Variants in GRM1 observed in about 807,000 individuals in gnomAD.
GRM1 encodes the protein glutamate metabotropic receptor 1.
GRM1 carries 33 observed loss-of-function variants against 90.9 expected under a neutral mutation model. The observed-to-expected ratio is 0.36, with a 90% CI of 0.28 to 0.49. GRM1 has a LOEUF of 0.49. Ranked by LOEUF, GRM1 falls within the 20% of genes least tolerant of loss-of-function variation. GRM1 has a pLI of 0.99. For synonymous variants in GRM1, 700 were observed against 613.2 expected, an observed-to-expected ratio of 1.14 and a Z score of -2.09; for missense variants, 1,190 against 1,534.3, an observed-to-expected ratio of 0.78 and a Z score of 3.75.
chr6:146,272,000 A>G (rs1392965114), intron 2 of GRM1, among the ~76,000 whole-genome samples: 1 of 152,184 alleles, frequency 6.6e-6, no homozygotes. Context: ...GTTTTGTCCA[A>G]TAATCCTCCA....
At chr6:146,198,404 C>T (rs899144231) in intron 2 of GRM1, among the ~76,000 whole-genome samples, 2 of 152,040 alleles carry the variant, frequency 1.3e-5, no homozygotes, top group African/African-American at 4.8e-5. Context: ...GTCTCCCACT[C>T]CCAGGATAAA....
chr6:146,424,406 G>A (rs1334523930), intron 7 of GRM1, among the ~76,000 whole-genome samples: 2 of 152,208 alleles, frequency 1.3e-5, no homozygotes, highest in Non-Finnish European at 2.9e-5. Flanking sequence ...GCTGGACAGG[G>A]CTGGGACCCA....
At chr6:146,173,428 GAAAA>G (rs1262434839) in intron 2 of GRM1, among the ~76,000 whole-genome samples, 1 of 146,194 alleles carries the variant, frequency 6.8e-6, no homozygotes, top group African/African-American at 2.5e-5. Flanking sequence ...AAAAGAAAAA[GAAAA>G]AGAAAGAAAG....
intron 1 of GRM1, among the ~76,000 whole-genome samples, chr6:146,048,904 C>T (rs1292397620): frequency 6.6e-6 from 1 of 152,010 alleles, no homozygotes; most frequent in South Asian, 2.1e-4. Context: ...GATTTTTAGC[C>T]TCTAGAACTG....
intron 2 of GRM1, among the ~76,000 whole-genome samples, chr6:146,277,430 A>G (rs982600491): frequency 6.6e-6 from 1 of 152,180 alleles, no homozygotes; most frequent in Non-Finnish European, 1.5e-5. Flanking sequence ...TAACAGTATG[A>G]TCTATGGTGA....
chr6:146,331,819 G>A (rs760564895), intron 3 of GRM1, among the ~76,000 whole-genome samples: 4 of 152,216 alleles, frequency 2.6e-5, no homozygotes, highest in African/African-American at 7.2e-5. Context: ...CTTTGAGCTT[G>A]TGTTAAGTAG....
chr6:146,191,440 T>A (rs142325865), intron 2 of GRM1, among the ~76,000 whole-genome samples: 63 of 152,330 alleles, frequency 4.1e-4, no homozygotes, highest in African/African-American at 1.1e-3. Flanking sequence ...TTTAACCCTC[T>A]TACTGATTTG....
intron 1 of GRM1, among the ~76,000 whole-genome samples, chr6:146,042,502 G>C (rs9390372): frequency 0.4 from 60,444 of 151,854 alleles, 12,335 homozygotes; most frequent in Middle Eastern, 0.51. Context: ...CGACAAAGCT[G>C]TGGCAGGGCT....
intron 2 of GRM1, among the ~76,000 whole-genome samples, chr6:146,169,889 G>C (rs1405677369): frequency 6.6e-6 from 1 of 152,142 alleles, no homozygotes; most frequent in Non-Finnish European, 1.5e-5. Flanking sequence ...TACTAACCAA[G>C]GCTTGTTATC....
chr6:146,172,966 G>A (rs1351229821), intron 2 of GRM1, among the ~76,000 whole-genome samples: 1 of 152,164 alleles, frequency 6.6e-6, no homozygotes, highest in Non-Finnish European at 1.5e-5. Flanking sequence ...TTTGAAAAGA[G>A]AGGCGACATT....
At chr6:146,098,480 T>G (rs1712851793) in intron 1 of GRM1, among the ~76,000 whole-genome samples, 1 of 152,188 alleles carries the variant, frequency 6.6e-6, no homozygotes, top group Non-Finnish European at 1.5e-5. Flanking sequence ...TATGGTCTTT[T>G]AAAATAAATA....
At chr6:146,056,574 T>G (rs903194952) in intron 1 of GRM1, among the ~76,000 whole-genome samples, 30 of 152,202 alleles carry the variant, frequency 2.0e-4, no homozygotes, top group African/African-American at 6.7e-4. Flanking sequence ...AAGCAAGAAT[T>G]TAATGTCGAA....
At chr6:146,227,153 ATATC>A (rs938522203) in intron 2 of GRM1, among the ~76,000 whole-genome samples, 4 of 152,176 alleles carry the variant, frequency 2.6e-5, no homozygotes, top group Admixed American at 6.6e-5. Flanking sequence ...AATATCTAAA[ATATC>A]TAAATACTCA....
At chr6:146,261,184 G>A (rs1186773915) in intron 2 of GRM1, among the ~76,000 whole-genome samples, 2 of 152,150 alleles carry the variant, frequency 1.3e-5, no homozygotes, top group African/African-American at 4.8e-5. Context: ...CTGAAGGACA[G>A]TGTTCAGGGA....
intron 2 of GRM1, among the ~76,000 whole-genome samples, chr6:146,216,443 C>A (rs900701214): frequency 6.6e-6 from 1 of 152,162 alleles, no homozygotes; most frequent in Non-Finnish European, 1.5e-5. Context: ...ATTGCTGTTT[C>A]AAAATGCCAC....
At chr6:146,223,061 T>A (rs570906778) in intron 2 of GRM1, among the ~76,000 whole-genome samples, 58 of 152,170 alleles carry the variant, frequency 3.8e-4, no homozygotes, top group Admixed American at 5.9e-4. Flanking sequence ...CTCTATTATC[T>A]GGCCAGAGTA....
At chr6:146,246,239 A>G (rs1169827757) in intron 2 of GRM1, among the ~76,000 whole-genome samples, 2 of 152,198 alleles carry the variant, frequency 1.3e-5, no homozygotes, top group Non-Finnish European at 1.5e-5. Flanking sequence ...ATGAGTCTGT[A>G]CCTACTGCTC....
intron 2 of GRM1, among the ~76,000 whole-genome samples, chr6:146,248,955 A>T (rs184876213): frequency 1.4e-4 from 21 of 152,290 alleles, no homozygotes; most frequent in African/African-American, 5.1e-4. Context: ...CCTGCCCTAG[A>T]GATCTGTGGA....
chr6:146,354,978 T>C (rs78593567), intron 4 of GRM1, among the ~76,000 whole-genome samples: 13 of 151,738 alleles, frequency 8.6e-5, no homozygotes, highest in Non-Finnish European at 1.6e-4. Context: ...ATTTTTTTTG[T>C]TTCTAAATGC....
Sources: gnomAD v4.1 joint callset for allele counts (sites outside exome capture counted in the v4.1 genomes callset) on GRCh38, gnomAD v4.1.1 for gene constraint, MANE v1.5 for transcripts, NCBI Gene and HGNC (gene_info 2026-07-23, HGNC 2026-07-21) for gene names.